AOAH: variants seen among roughly 807,000 people sequenced by gnomAD.
AOAH encodes the protein acyloxyacyl hydrolase, also known as acyloxyacyl hydrolase (neutrophil).
Under a neutral mutation model 92.2 loss-of-function variants are expected in AOAH, and 64 were observed. That is an observed-to-expected ratio of 0.69 (90% CI 0.57 to 0.86). The LOEUF is 0.86. AOAH is among the 40% of genes least tolerant of loss of function. The probability of loss-of-function intolerance (pLI) is 0.00; values close to 1 mark genes in which losing one functional copy is unlikely to be tolerated. For synonymous variants in AOAH, 263 were observed against 254.5 expected (o/e 1.03, Z -0.32); for missense variants, 656 against 694.6 (o/e 0.94, Z 0.62).
chr7:36,581,681 C>T (rs1484913957), intron 12 of AOAH, among the ~76,000 whole-genome samples: 1 of 152,204 alleles, frequency 6.6e-6, no homozygotes, highest in Admixed American at 6.5e-5. Context: ...TTGCTCATGT[C>T]CTGCTCATGA....
chr7:36,530,357 C>T, intron 19 of AOAH, 61 bp downstream of exon 19: 1 of 1,233,326 alleles, frequency 8.1e-7, no homozygotes, highest in Admixed American at 1.7e-5. Context: ...AAACCAGTTG[C>T]CCAGGCCCTA....
At chr7:36,557,292 T>A (rs1786815119) in intron 13 of AOAH, among the ~76,000 whole-genome samples, 1 of 152,224 alleles carries the variant, frequency 6.6e-6, no homozygotes, top group Non-Finnish European at 1.5e-5. Context: ...TTCTTTTCTT[T>A]AAGAATGTTG....
chr7:36,717,393 G>C (rs1799281790), intron 1 of AOAH, among the ~76,000 whole-genome samples: 1 of 143,666 alleles, frequency 7.0e-6, no homozygotes, highest in African/African-American at 2.5e-5. Context: ...CCACCCCTTA[G>C]TCAGTGAACT....
intron 6 of AOAH, among the ~76,000 whole-genome samples, chr7:36,631,290 T>C (rs958230195): frequency 4.0e-5 from 6 of 150,326 alleles, no homozygotes; most frequent in Admixed American, 2.0e-4. Context: ...GAGGTTGCAG[T>C]GAGCCATGAT....
At position 36,576,617 on chromosome 7, in the gene AOAH, T is replaced by C; in HGVS notation, c.978A>G (p.Arg326=). The change falls in exon 13 of 21, where the codon AGA becomes AGG. Residue 326 remains arginine (R), a synonymous_variant. Transcript: ENST00000617537. ...GGTAGTCCCTGTGATTACAGTGGTT[T>C]CTTTTCCATAAGCGAAGGTAAATAG... ...EKSIYLRLWK[R]NHCNHRDYQN... 2.5e-6 allele frequency: 4 copies of C among 1,584,356 alleles called. No homozygotes were observed. The highest frequency in any genetic ancestry group is 2.3e-5 in the East Asian group (1 of 44,176).
At chr7:36,702,795 G>A (rs537539008) in intron 1 of AOAH, among the ~76,000 whole-genome samples, 21 of 152,296 alleles carry the variant, frequency 1.4e-4, no homozygotes, top group African/African-American at 3.4e-4. Context: ...AGGGGTGGCT[G>A]TGGCAATTTC....
intron 3 of AOAH, among the ~76,000 whole-genome samples, chr7:36,663,146 T>C (rs1457846432): frequency 6.6e-6 from 1 of 152,220 alleles, no homozygotes; most frequent in East Asian, 1.9e-4. Context: ...CATTTTTCAT[T>C]TTTAAAAAGA....
chr7:36,618,387 T>A, intron 9 of AOAH, 42 bp from the exon 10 acceptor site: 1 of 1,580,538 alleles, frequency 6.3e-7, no homozygotes, highest in Non-Finnish European at 8.7e-7. Flanking sequence ...TGGTTTTAAA[T>A]TTATGAGATA....
chr7:36,566,172 C>A (rs1787696716), intron 13 of AOAH, among the ~76,000 whole-genome samples: 1 of 148,256 alleles, frequency 6.7e-6, no homozygotes, highest in Non-Finnish European at 1.5e-5. Flanking sequence ...TCAGGTTATG[C>A]AATTTTTGGC....
chr7:36,556,144 C>T (rs1464215737), intron 13 of AOAH, among the ~76,000 whole-genome samples: 2 of 152,130 alleles, frequency 1.3e-5, no homozygotes, highest in Non-Finnish European at 2.9e-5. Flanking sequence ...TCCCTCTACA[C>T]ACTGCTTTTA....
intron 12 of AOAH, among the ~76,000 whole-genome samples, chr7:36,587,993 T>C (rs991855914): frequency 1.2e-4 from 19 of 152,218 alleles, no homozygotes; most frequent in African/African-American, 4.3e-4. Flanking sequence ...CACAAGTGCT[T>C]TTCCCTAAGA....
At chr7:36,515,400 A>T (rs1169655205) in intron 20 of AOAH, among the ~76,000 whole-genome samples, 1 of 103,652 alleles carries the variant, frequency 9.6e-6, no homozygotes, top group African/African-American at 3.9e-5. Flanking sequence ...ACCCCACACC[A>T]CACACACAAA....
intron 13 of AOAH, among the ~76,000 whole-genome samples, chr7:36,553,293 A>G (rs1562562427): frequency 6.6e-6 from 1 of 152,054 alleles, no homozygotes; most frequent in Non-Finnish European, 1.5e-5. Context: ...TACAAAGGAC[A>G]TGAATGAATG....
At chr7:36,700,999 T>C (rs531395401) in intron 1 of AOAH, among the ~76,000 whole-genome samples, 1 of 152,232 alleles carries the variant, frequency 6.6e-6, no homozygotes, top group South Asian at 2.1e-4. Flanking sequence ...AAAATGTCTA[T>C]TCATGTCCTT....
intron 20 of AOAH, among the ~76,000 whole-genome samples, chr7:36,520,623 T>G (rs1036117689): frequency 6.6e-6 from 1 of 151,056 alleles, no homozygotes; most frequent in Non-Finnish European, 1.5e-5. Context: ...GAGAATCACT[T>G]GAAACCAGGA....
chr7:36,602,443 GT>G (rs535476519), intron 11 of AOAH, among the ~76,000 whole-genome samples: 3,666 of 126,996 alleles, frequency 0.029, 122 homozygotes, highest in African/African-American at 0.093. Flanking sequence ...TCCTTCCATT[GT>G]TTTTTTTTTT....
intron 15 of AOAH, among the ~76,000 whole-genome samples, chr7:36,543,947 C>CTTTCTTTTTTTTT (rs55745823): frequency 1.8e-4 from 16 of 90,998 alleles, no homozygotes; most frequent in South Asian, 4.3e-4. Flanking sequence ...TTCTTTCTTT[C>CTTTCTTTTTTTTT]TTTTTTTTTT....
chr7:36,693,611 T>G (rs1282243534), intron 1 of AOAH, among the ~76,000 whole-genome samples: 1 of 152,162 alleles, frequency 6.6e-6, no homozygotes, highest in Admixed American at 6.5e-5. Context: ...ACTTAAAAAT[T>G]TTAATTTCCT....
Position 36,516,349 on chromosome 7 carries a change from A to AC in AOAH, c.1600-2970dup, listed in dbSNP as rs1329682213. On this transcript the variant is annotated intron_variant, in intron 20 of 20. Coordinates refer to ENST00000617537, the MANE Select transcript of AOAH (RefSeq NM_001637.4). The surrounding 1 kb of genome is among the most constrained non-coding windows in gnomAD (Gnocchi z 5.0). The stretch of plus-strand genomic sequence containing the variant: ...CAGAAAGCACACAGATACCACACAC[A>AC]CCCCCACAGAAAGCACACAGATACC... Among the ~76,000 whole-genome samples, 20 of 103,648 alleles carry AC rather than the reference A, an allele frequency of 1.9e-4. No individual in the cohort carries two copies. The highest frequency in any genetic ancestry group is 6.8e-4 in the African/African-American group (18 of 26,286). The allele number at this position is 103,648 out of a possible 152,430, so 68.0% of individuals were successfully genotyped here. A position where few individuals can be genotyped will look rare whatever the true frequency, so the allele number is the denominator to read the frequency against.
Sources: gnomAD v4.1 joint callset for allele counts (sites outside exome capture counted in the v4.1 genomes callset) on GRCh38, gnomAD v4.1.1 for gene constraint, Gnocchi (gnomAD v3.1) non-coding constraint, MANE v1.5 for transcripts, NCBI Gene and HGNC (gene_info 2026-07-23, HGNC 2026-07-21) for gene names.